Variants in NAALADL2 observed in about 807,000 individuals in gnomAD.
NAALADL2 encodes inactive N-acetylated-alpha-linked acidic dipeptidase-like protein 2.
NAALADL2 carries 76 observed loss-of-function variants against 87.2 expected under a neutral mutation model. The observed-to-expected ratio is 0.87, with a 90% confidence interval of 0.72 to 1.05. The LOEUF (loss-of-function observed/expected upper bound fraction) is 1.05, where lower values mean the gene tolerates loss of function less well. NAALADL2 is among the 50% of genes least tolerant of loss of function. The probability of loss-of-function intolerance (pLI) is 0.00; values close to 1 mark genes in which losing one functional copy is unlikely to be tolerated. For missense variants in NAALADL2, 1,089 were observed against 945.8 expected (o/e 1.15, Z -1.99); for synonymous variants, 354 against 331.0 (o/e 1.07, Z -0.75).
At chr3:174,508,113 G>GGTTTTTTTTTTTTTT (rs1719326033) in intron 1 of NAALADL2, among the ~76,000 whole-genome samples, 1 of 92,942 alleles carries the variant, frequency 1.1e-5, no homozygotes, top group African/African-American at 3.9e-5. Flanking sequence ...GATATCTAGT[G>GGTTTTTTTTTTTTTT]GTTTTTTTTT....
chr3:175,107,527 C>A (rs1723398300), intron 2 of NAALADL2, among the ~76,000 whole-genome samples: 3 of 151,596 alleles, frequency 2.0e-5, no homozygotes, highest in African/African-American at 4.9e-5. Context: ...CACACACACA[C>A]ACACACAAAC....
chr3:174,841,906 C>T (rs899306517), intron 3 of NAALADL2, among the ~76,000 whole-genome samples: 1 of 152,054 alleles, frequency 6.6e-6, no homozygotes, highest in Non-Finnish European at 1.5e-5. Context: ...TAGCATTCCT[C>T]TTGAGGGGTT....
chr3:175,172,389 C>T lies in NAALADL2; in HGVS notation c.546-61542C>T, dbSNP rs115292226. Among the ~76,000 whole-genome samples, 121 of 152,184 alleles carry T rather than the reference C, an allele frequency of 8.0e-4. 1 individual carries two copies. The highest frequency in any genetic ancestry group is 2.6e-3 in the African/African-American group (108 of 41,530). The stretch of plus-strand genomic sequence containing the variant: ...AATAATAGTAAAAGGTAATTTCTTG[C>T]ATAGACAAAATATATACACATTCCT... On this transcript the variant is annotated intron_variant, in intron 2 of 13. Coordinates refer to ENST00000454872, the MANE Select transcript of NAALADL2 (RefSeq NM_207015.3).
At chr3:175,510,165 G>A (rs116212634) in intron 9 of NAALADL2, among the ~76,000 whole-genome samples, 3,955 of 152,066 alleles carry the variant, frequency 0.026, 156 homozygotes, top group African/African-American at 0.089. Flanking sequence ...AGAAGTGTGC[G>A]AGCCGAGTGA....
At chr3:175,000,947 A>G (rs549377999) in intron 1 of NAALADL2, among the ~76,000 whole-genome samples, 1 of 152,324 alleles carries the variant, frequency 6.6e-6, no homozygotes, top group African/African-American at 2.4e-5. Flanking sequence ...TAATTGTACT[A>G]TATCACAGAA....
At chr3:175,568,012 G>A (rs899446185) in intron 9 of NAALADL2, among the ~76,000 whole-genome samples, 80 of 151,832 alleles carry the variant, frequency 5.3e-4, no homozygotes, top group African/African-American at 1.9e-3. Flanking sequence ...CACTGCGCCC[G>A]GCCCCAAAAA....
At chr3:174,979,516 A>G (rs966679748) in intron 1 of NAALADL2, among the ~76,000 whole-genome samples, 7 of 151,862 alleles carry the variant, frequency 4.6e-5, no homozygotes, top group Non-Finnish European at 7.4e-5. Context: ...CGTGTTAGCC[A>G]GGATGGTCTC....
intron 1 of NAALADL2, among the ~76,000 whole-genome samples, chr3:174,918,411 A>G (rs922330940): frequency 6.6e-6 from 1 of 152,196 alleles, no homozygotes; most frequent in African/African-American, 2.4e-5. Context: ...TGTATTAGCT[A>G]TTGTATGAGA....
intron 9 of NAALADL2, among the ~76,000 whole-genome samples, chr3:175,531,899 C>A (rs1345444330): frequency 6.6e-6 from 1 of 152,240 alleles, no homozygotes; most frequent in Non-Finnish European, 1.5e-5. Flanking sequence ...ACCACCCCTG[C>A]ATCTTTCACG....
chr3:174,695,981 T>C (rs1448207553), intron 2 of NAALADL2, among the ~76,000 whole-genome samples: 5 of 151,998 alleles, frequency 3.3e-5, no homozygotes, highest in Non-Finnish European at 7.4e-5. Context: ...TCCTGGAATA[T>C]ACAGAATGAT....
intron 1 of NAALADL2, among the ~76,000 whole-genome samples, chr3:174,985,629 G>A (rs548947974): frequency 6.6e-6 from 1 of 152,136 alleles, no homozygotes; most frequent in Admixed American, 6.6e-5. Context: ...TATTGGATGA[G>A]ATTTGAAACA....
At position 175,304,389 on chromosome 3, in the gene NAALADL2, G is replaced by A. The variant is rs188961551; in HGVS notation, c.940-19786G>A. On this transcript the variant is annotated intron_variant, in intron 4 of 13. Transcript: ENST00000454872. Reference sequence around the variant, plus strand: ...TACAGCTATGTATGTATGTCCACATGCTTATGACCTAAATATTCAATAATT... The same window carrying A: ...TACAGCTATGTATGTATGTCCACATACTTATGACCTAAATATTCAATAATT... Among the ~76,000 whole-genome samples the A allele has an allele frequency of 1.8e-3, 268 of 152,196 alleles. 1 individual carries two copies. The highest frequency in any genetic ancestry group is 3.4e-3 in the Non-Finnish European group (229 of 68,000).
At chr3:174,793,026 A>T (rs1030200459) in intron 3 of NAALADL2, among the ~76,000 whole-genome samples, 2 of 152,152 alleles carry the variant, frequency 1.3e-5, no homozygotes, top group Non-Finnish European at 2.9e-5. Flanking sequence ...TAAGCATTGA[A>T]ATATGAAGAT....
At chr3:175,376,912 A>C (rs565889348) in intron 5 of NAALADL2, among the ~76,000 whole-genome samples, 1 of 152,146 alleles carries the variant, frequency 6.6e-6, no homozygotes, top group African/African-American at 2.4e-5. Context: ...CCTCCCAGTA[A>C]ATTTTTCATT....
intron 2 of NAALADL2, among the ~76,000 whole-genome samples, chr3:174,731,098 A>G (rs1039201203): frequency 2.0e-5 from 3 of 152,100 alleles, no homozygotes; most frequent in African/African-American, 7.2e-5. Flanking sequence ...TATCATGGAA[A>G]GTGCTACCCA....
At chr3:175,631,284 T>C (rs1233443406) in intron 11 of NAALADL2, among the ~76,000 whole-genome samples, 3 of 151,728 alleles carry the variant, frequency 2.0e-5, no homozygotes, top group Non-Finnish European at 4.4e-5. Context: ...GGGGTAGAAG[T>C]GCAATTTTGT....
intron 3 of NAALADL2, among the ~76,000 whole-genome samples, chr3:174,825,317 G>A (rs1293063709): frequency 6.6e-6 from 1 of 152,070 alleles, no homozygotes; most frequent in African/African-American, 2.4e-5. Context: ...TGATAACTTG[G>A]GGGAAGTCAG....
At chr3:175,736,682 A>T (rs1030936872) in intron 11 of NAALADL2, among the ~76,000 whole-genome samples, 1 of 152,192 alleles carries the variant, frequency 6.6e-6, no homozygotes, top group African/African-American at 2.4e-5. Context: ...AATCAGCCAA[A>T]CTTCACGATT....
chr3:174,784,532 C>T lies in NAALADL2; in HGVS notation c.-9+46786C>T, dbSNP rs145113734. Among the ~76,000 whole-genome samples the T allele has an allele frequency of 2.0e-5, 3 of 152,156 alleles. No individual in the cohort carries two copies. The East Asian group carries it at 5.8e-4, about 29-fold the overall frequency. On this transcript the variant is annotated intron_variant, in intron 3 of 3. Coordinates refer to the NAALADL2 transcript ENST00000434257. Reference sequence around the variant, plus strand: ...TGAAATCAAACGATAAAAACCTTTTCTTAAGTGTATTAAAGATGTGACAGT... The same window carrying T: ...TGAAATCAAACGATAAAAACCTTTTTTTAAGTGTATTAAAGATGTGACAGT...
Sources: allele counts gnomAD v4.1 joint callset (sites outside exome capture counted in the v4.1 genomes callset), GRCh38; gene constraint gnomAD v4.1.1; transcripts MANE v1.5; gene names NCBI Gene and HGNC (gene_info 2026-07-23, HGNC 2026-07-21).